Variants in SOX5 observed in about 807,000 individuals in gnomAD.
SOX5 encodes the protein transcription factor SOX-5.
SOX5 carries 9 observed loss-of-function variants against 92.0 expected under a neutral mutation model. The observed-to-expected ratio is 0.10, with a 90% CI of 0.06 to 0.17. The LOEUF (loss-of-function observed/expected upper bound fraction) is 0.17. Among genes scored for constraint, SOX5 ranks in the 10% least tolerant of loss-of-function variants. SOX5 has a pLI of 1.00. For synonymous variants in SOX5, 344 were observed against 336.3 expected, an observed-to-expected ratio of 1.02 and a Z score of -0.25; for missense variants, 642 against 944.5, an observed-to-expected ratio of 0.68 and a Z score of 4.20.
intron 3 of SOX5, among the ~76,000 whole-genome samples, chr12:24,253,481 A>G (rs986837539): frequency 6.6e-6 from 1 of 152,120 alleles, no homozygotes; most frequent in African/African-American, 2.4e-5. Context: ...CCCTCAAGTC[A>G]TTTATATTTT....
At chr12:23,540,079 T>G (rs1374351368) in intron 13 of SOX5, among the ~76,000 whole-genome samples, 5 of 145,678 alleles carry the variant, frequency 3.4e-5, no homozygotes, top group Non-Finnish European at 7.6e-5. Flanking sequence ...AGGAAAATAT[T>G]TTGGATAAAC....
chr12:23,928,661 C>G (rs1459563235), intron 1 of SOX5, among the ~76,000 whole-genome samples: 1 of 151,878 alleles, frequency 6.6e-6, no homozygotes, highest in African/African-American at 2.4e-5. Flanking sequence ...AATAGACCAG[C>G]CATTTATAAA....
chr12:23,601,881 C>A (rs1452546366), intron 9 of SOX5, among the ~76,000 whole-genome samples: 1 of 152,062 alleles, frequency 6.6e-6, no homozygotes, highest in Non-Finnish European at 1.5e-5. Context: ...TCTTTTCTGA[C>A]AATAAGAGTG....
At chr12:24,256,085 C>T (rs1272989477) in intron 3 of SOX5, among the ~76,000 whole-genome samples, 1 of 152,144 alleles carries the variant, frequency 6.6e-6, no homozygotes, top group African/African-American at 2.4e-5. Context: ...GTGTGCAAAC[C>T]TTCCCCAATG....
At chr12:24,159,056 TG>T (rs1952489366) in intron 4 of SOX5, among the ~76,000 whole-genome samples, 1 of 151,912 alleles carries the variant, frequency 6.6e-6, no homozygotes, top group South Asian at 2.1e-4. Context: ...TGATATGATG[TG>T]TGTTGGCATG....
At chr12:23,930,562 C>T (rs1002351520) in intron 1 of SOX5, among the ~76,000 whole-genome samples, 2 of 151,670 alleles carry the variant, frequency 1.3e-5, no homozygotes, top group African/African-American at 4.8e-5. Flanking sequence ...TTAGTACATG[C>T]TGAATCCTCT....
At chr12:23,759,010 A>AACACACACACAC (rs761303900) in intron 3 of SOX5, among the ~76,000 whole-genome samples, 1 of 108,504 alleles carries the variant, frequency 9.2e-6, no homozygotes, top group Non-Finnish European at 1.9e-5. Flanking sequence ...GGCAACACAA[A>AACACACACACAC]ACACACACAC....
chr12:24,479,790 C>A (rs1792375865), intron 1 of SOX5, among the ~76,000 whole-genome samples: 1 of 152,022 alleles, frequency 6.6e-6, no homozygotes, highest in South Asian at 2.1e-4. Context: ...CTCAGCCTCC[C>A]AAGTAGCGGG....
chr12:24,147,415 G>A (rs934098442), intron 4 of SOX5, among the ~76,000 whole-genome samples: 2 of 152,140 alleles, frequency 1.3e-5, no homozygotes, highest in African/African-American at 2.4e-5. Flanking sequence ...CTAGGTATAG[G>A]AAGCAATATT....
At chr12:24,174,152 C>T (rs1038033213) in intron 4 of SOX5, among the ~76,000 whole-genome samples, 1 of 152,072 alleles carries the variant, frequency 6.6e-6, no homozygotes, top group Non-Finnish European at 1.5e-5. Context: ...TGTGCCCCAC[C>T]ATACCTGGTT....
intron 2 of SOX5, among the ~76,000 whole-genome samples, chr12:24,303,119 T>C (rs1357737323): frequency 6.6e-6 from 1 of 152,108 alleles, no homozygotes; most frequent in Non-Finnish European, 1.5e-5. Flanking sequence ...ACAAGAAACT[T>C]TCAGCACAAC....
chr12:24,551,000 A>G (rs2138945518), intron 1 of SOX5, among the ~76,000 whole-genome samples: 1 of 152,312 alleles, frequency 6.6e-6, no homozygotes, highest in South Asian at 2.1e-4. Context: ...GCCTCTTCCA[A>G]CAATGCTGAA....
intron 14 of SOX5, among the ~76,000 whole-genome samples, chr12:23,534,941 C>T (rs12366864): frequency 0.23 from 35,584 of 151,964 alleles, 4,863 homozygotes; most frequent in Middle Eastern, 0.4. Flanking sequence ...AACTCCTGAC[C>T]TCAGGTGATC....
In SOX5 at chr12:24,218,343, A is replaced by T. The variant is rs138181860; in HGVS notation, c.-76-4926T>A. 2.7e-4 allele frequency among the ~76,000 whole-genome samples: 41 copies of T among 152,320 alleles called. No individual in the cohort carries two copies. The East Asian group carries it at 4.8e-3, about 18-fold the overall frequency. ...CATATTACAGCACAGATGAATCTTAAAAACATTTTATCAAGTGAAAGAAGT... is the reference window on the plus strand; with the variant it reads ...CATATTACAGCACAGATGAATCTTATAAACATTTTATCAAGTGAAAGAAGT... On this transcript the variant is annotated intron_variant, in intron 3 of 4. Coordinates refer to the SOX5 transcript ENST00000446891.
intron 1 of SOX5, among the ~76,000 whole-genome samples, chr12:24,377,069 A>T (rs918566947): frequency 6.6e-6 from 1 of 152,008 alleles, no homozygotes; most frequent in African/African-American, 2.4e-5. Flanking sequence ...CCTCTTACAG[A>T]TGTAGATTTG....
intron 3 of SOX5, among the ~76,000 whole-genome samples, chr12:23,780,144 C>T (rs1418316742): frequency 1.3e-5 from 2 of 151,906 alleles, no homozygotes; most frequent in South Asian, 2.1e-4. Context: ...AATCTGAATA[C>T]TGGACATTTT....
rs181949402 is a variant in SOX5 at position 24,412,094 on chromosome 12, G to A, written c.-250-43455C>T. ...AGTAGTCCCATATTATCCTTTTGGTGTCTGCAGAGTCTGCAGTGATACATC... is the reference window on the plus strand; with the variant it reads ...AGTAGTCCCATATTATCCTTTTGGTATCTGCAGAGTCTGCAGTGATACATC... On this transcript the variant is annotated intron_variant, in intron 1 of 4. Coordinates refer to the SOX5 transcript ENST00000446891. Among the ~76,000 whole-genome samples, 615 of 152,182 alleles carry A rather than the reference G, an allele frequency of 4.0e-3. 2 individuals carry two copies. Among genetic ancestry groups the A allele is most frequent in the Non-Finnish European group, 6.5e-3 (443 of 68,010 alleles).
intron 1 of SOX5, among the ~76,000 whole-genome samples, chr12:24,381,380 TGATA>T (rs541819464): frequency 7.2e-4 from 109 of 152,364 alleles, no homozygotes; most frequent in African/African-American, 2.4e-3. Flanking sequence ...AGGCAGGCCC[TGATA>T]AATAAGGCAG....
upstream of SOX5, chr12:23,949,727 CCTCCCTCTCTCT>C: frequency 8.4e-7 from 1 of 1,195,430 alleles, no homozygotes; most frequent in Non-Finnish European, 1.1e-6. Context: ...CCCCTCCCTC[CCTCCCTCTCTCT>C]CTCTCTCTCT....
Sources: gnomAD v4.1 joint callset for allele counts (sites outside exome capture counted in the v4.1 genomes callset) on GRCh38, gnomAD v4.1.1 for gene constraint, MANE v1.5 for transcripts, NCBI Gene and HGNC (gene_info 2026-07-23, HGNC 2026-07-21) for gene names.